FNDC3B: variants seen among roughly 807,000 people sequenced by gnomAD.
FNDC3B encodes the protein fibronectin type III domain-containing protein 3B.
In FNDC3B, 12 loss-of-function variants were observed where a neutral mutation model predicts 151.5. The observed-to-expected ratio is 0.08, with a 90% CI of 0.05 to 0.13. FNDC3B has a LOEUF of 0.13. Ranked by LOEUF, FNDC3B falls within the 10% of genes least tolerant of loss-of-function variation. The probability of loss-of-function intolerance (pLI) is 1.00; values close to 1 mark genes in which losing one functional copy is unlikely to be tolerated. For synonymous variants in FNDC3B, 528 were observed against 549.0 expected (o/e 0.96, Z 0.54); for missense variants, 1,214 against 1,505.3 (o/e 0.81, Z 3.20).
intron 3 of FNDC3B, among the ~76,000 whole-genome samples, chr3:172,158,914 T>A (rs116393979): frequency 0.015 from 2,253 of 152,230 alleles, 69 homozygotes; most frequent in African/African-American, 0.052. Context: ...ACCTCCTCTA[T>A]CAATGTCCAG....
In FNDC3B at chr3:172,378,424, C is replaced by T. The variant is rs1735266998; in HGVS notation, c.3163C>T (p.Pro1055Ser). ...CTTCAGCACAACCAAAAGTGTCCCC[C>T]CCACCATCAAAGGTGTGTAGACTAT... is the stretch of plus-strand genomic sequence containing the variant. ...YTFSTTKSVP[P>S]TIKAPRVTQL... Residue 1055 changes from proline (P) to serine (S), a missense_variant, in exon 24 of 26, where the codon CCC (proline) becomes TCC (serine). Coordinates refer to ENST00000415807, the MANE Select transcript of FNDC3B (RefSeq NM_022763.4). The T allele has an allele frequency of 6.2e-7, 1 of 1,611,418 alleles. No homozygotes were observed. Among genetic ancestry groups the T allele is most frequent in the African/African-American group, 1.3e-5 (1 of 74,758 alleles).
Position 172,078,270 on chromosome 3 carries a change from G to C in FNDC3B, c.-28-34182G>C, listed in dbSNP as rs373987154. Among the ~76,000 whole-genome samples, 164 of 152,320 alleles carry C rather than the reference G, an allele frequency of 1.1e-3. 1 individual carries two copies. The highest frequency in any genetic ancestry group is 3.7e-3 in the African/African-American group (154 of 41,568). On this transcript the variant is annotated intron_variant, in intron 1 of 25. Coordinates refer to ENST00000415807, the MANE Select transcript of FNDC3B (RefSeq NM_022763.4). ...GCTGGGATTACAGGCATGAACCACT[G>C]CACCCAGCCAGAGCTCATATTTTAG... is the stretch of plus-strand genomic sequence containing the variant.
chr3:172,372,461 C>T (rs1036697186), intron 23 of FNDC3B, among the ~76,000 whole-genome samples: 3 of 152,128 alleles, frequency 2.0e-5, no homozygotes, highest in East Asian at 1.9e-4. Context: ...TTCCAGGAAC[C>T]GCTATATATA....
At chr3:172,130,157 C>A (rs1720999045) in intron 2 of FNDC3B, among the ~76,000 whole-genome samples, 1 of 152,112 alleles carries the variant, frequency 6.6e-6, no homozygotes, top group Non-Finnish European at 1.5e-5. Context: ...GGTCATTGGG[C>A]TGGTGTGTGT....
chr3:172,366,089 A>C (rs926609771), intron 23 of FNDC3B, among the ~76,000 whole-genome samples: 1 of 152,130 alleles, frequency 6.6e-6, no homozygotes, highest in Admixed American at 6.5e-5. Flanking sequence ...AGTTTCTGCT[A>C]TTCATAAAAA....
At position 172,379,000 on chromosome 3, in the gene FNDC3B, A is replaced by C. The variant is rs140997061; in HGVS notation, c.3175+564A>C. On this transcript the variant is annotated intron_variant, in intron 24 of 25. Coordinates refer to ENST00000415807, the MANE Select transcript of FNDC3B (RefSeq NM_022763.4). The stretch of plus-strand genomic sequence containing the variant: ...GTACTGCAGAAGTTGTGAGAGCCCC[A>C]TGTATCCAGATCTTCCCCATATCTC... Among the ~76,000 whole-genome samples, 262 of 152,334 alleles carry C rather than the reference A, an allele frequency of 1.7e-3. 1 individual carries two copies. The highest frequency in any genetic ancestry group is 5.9e-3 in the African/African-American group (246 of 41,568).
chr3:172,203,106 T>G (rs1161992836), intron 3 of FNDC3B, among the ~76,000 whole-genome samples: 2 of 152,150 alleles, frequency 1.3e-5, no homozygotes, highest in African/African-American at 4.8e-5. Flanking sequence ...TTATTTTCGA[T>G]ATATATAGAA....
chr3:172,212,341 G>T (rs376262083), intron 3 of FNDC3B, among the ~76,000 whole-genome samples: 262 of 152,282 alleles, frequency 1.7e-3, no homozygotes, highest in Non-Finnish European at 3.1e-3. Flanking sequence ...TGTGCTTCAA[G>T]GATCTTGAAT....
chr3:172,308,834 G>A (rs1424071152), intron 10 of FNDC3B, among the ~76,000 whole-genome samples: 3 of 152,116 alleles, frequency 2.0e-5, no homozygotes, highest in Non-Finnish European at 4.4e-5. Context: ...TTTAAAAAAT[G>A]TGCTCTATAT....
chr3:172,297,520 G>C (rs1408099800), intron 8 of FNDC3B, among the ~76,000 whole-genome samples: 2 of 151,924 alleles, frequency 1.3e-5, no homozygotes, highest in African/African-American at 4.8e-5. Flanking sequence ...TGTCGCCCAG[G>C]CTGGAGTGCA....
chr3:172,071,636 A>T (rs1289545537), intron 1 of FNDC3B, among the ~76,000 whole-genome samples: 2 of 152,170 alleles, frequency 1.3e-5, no homozygotes, highest in Non-Finnish European at 2.9e-5. Context: ...TATAAGTCAG[A>T]TTGTGGCTAG....
At chr3:172,228,381 G>T (rs4525896) in intron 4 of FNDC3B, among the ~76,000 whole-genome samples, 1 of 151,980 alleles carries the variant, frequency 6.6e-6, no homozygotes, top group Non-Finnish European at 1.5e-5. Context: ...CCATTGTGAC[G>T]CAAAAATAAC....
At chr3:172,174,383 T>A (rs1331896619) in intron 3 of FNDC3B, among the ~76,000 whole-genome samples, 4 of 152,224 alleles carry the variant, frequency 2.6e-5, no homozygotes, top group Non-Finnish European at 5.9e-5. Context: ...ACAAGAAGTC[T>A]GACATACACA....
Position 172,251,364 on chromosome 3 carries a change from C to T in FNDC3B, c.613C>T (p.Arg205Cys), listed in dbSNP as rs371734932. The T allele has an allele frequency of 7.4e-6, 12 of 1,613,986 alleles. No homozygotes were observed. The highest frequency in any genetic ancestry group is 4.5e-5 in the East Asian group (2 of 44,872). Residue 205 changes from arginine (R) to cysteine (C), a missense_variant, in exon 6 of 26, where the codon CGC (arginine) becomes TGC (cysteine). Arg to Cys is a radical substitution (Grantham distance 180). This residue lies in a region of FNDC3B where 166 missense variants were observed against 173.2 expected (regional missense o/e 0.96). Transcript: ENST00000415807. Reference protein sequence around the residue: ...LKDRQIDRQNRLNSPPSSIYK... With the variant: ...LKDRQIDRQNCLNSPPSSIYK... ...AGACCGCCAGATCGATCGCCAGAACCGCCTCAACAGCCCTCCTTCTTCTAT... is the reference window on the plus strand; with the variant it reads ...AGACCGCCAGATCGATCGCCAGAACTGCCTCAACAGCCCTCCTTCTTCTAT...
intron 1 of FNDC3B, among the ~76,000 whole-genome samples, chr3:172,089,969 AT>A (rs1718731211): frequency 6.6e-6 from 1 of 152,206 alleles, no homozygotes; most frequent in African/African-American, 2.4e-5. Context: ...TTTGGGTGTG[AT>A]ATCTGTCAGT....
At chr3:172,250,605 T>G (rs1016517365) in intron 5 of FNDC3B, among the ~76,000 whole-genome samples, 4 of 152,204 alleles carry the variant, frequency 2.6e-5, no homozygotes, top group African/African-American at 9.6e-5. Flanking sequence ...GTATTGCAAC[T>G]ACTGAAAACA....
intron 1 of FNDC3B, among the ~76,000 whole-genome samples, chr3:172,079,923 A>G (rs1439588813): frequency 6.6e-6 from 1 of 152,184 alleles, no homozygotes; most frequent in Non-Finnish European, 1.5e-5. Context: ...GTAACATCTC[A>G]GATGTTCAGC....
At chr3:172,099,180 A>G (rs1022482195) in intron 1 of FNDC3B, among the ~76,000 whole-genome samples, 3 of 152,186 alleles carry the variant, frequency 2.0e-5, no homozygotes, top group Non-Finnish European at 2.9e-5. Flanking sequence ...GCTGTGGCAT[A>G]TTTTGATTTT....
chr3:172,109,196 T>G (rs4894807), intron 1 of FNDC3B, among the ~76,000 whole-genome samples: 4 of 146,604 alleles, frequency 2.7e-5, no homozygotes, highest in African/African-American at 1.0e-4. Context: ...GACGGAGTCT[T>G]GCTCTGTCAC....
Sources: allele counts gnomAD v4.1 joint callset (sites outside exome capture counted in the v4.1 genomes callset), GRCh38; gene constraint gnomAD v4.1.1; regional missense constraint gnomAD v4.1.1; transcripts MANE v1.5; gene names NCBI Gene and HGNC (gene_info 2026-07-23, HGNC 2026-07-21).